The following UBR2 variants were observed in gnomAD, a reference collection of about 807,000 sequenced individuals.
UBR2 encodes E3 ubiquitin-protein ligase UBR2.
UBR2 carries 92 observed loss-of-function variants against 247.9 expected under a neutral mutation model. The ratio of observed to expected loss-of-function variants is 0.37; its 90% CI spans 0.31 to 0.44. UBR2 has a LOEUF of 0.44. UBR2 is among the 20% of genes least tolerant of loss of function. The pLI is 1.00. For synonymous variants in UBR2, 672 were observed against 693.5 expected (o/e 0.97, Z 0.49); for missense variants, 1,613 against 2,112.6 (o/e 0.76, Z 4.64).
chr6:42,569,843 G>A (rs957370675), intron 1 of UBR2, among the ~76,000 whole-genome samples: 2 of 152,122 alleles, frequency 1.3e-5, no homozygotes, highest in Non-Finnish European at 2.9e-5. Context: ...AAAGCTCCTG[G>A]AAACATTGTC....
intron 15 of UBR2, among the ~76,000 whole-genome samples, chr6:42,637,464 G>A (rs1367040502): frequency 6.6e-6 from 1 of 151,924 alleles, no homozygotes; most frequent in African/African-American, 2.4e-5. Flanking sequence ...GGCACCAGAG[G>A]CCATGTTTAT....
chr6:42,606,515 G>GT (rs1198001914), intron 6 of UBR2, 74 bp from the exon 7 acceptor site: 13 of 1,267,122 alleles, frequency 1.0e-5, no homozygotes, highest in Middle Eastern at 2.1e-4. Context: ...GCTTAAACAT[G>GT]TTTGTTTACT....
chr6:42,663,640 A>G (rs1241560796), intron 32 of UBR2, among the ~76,000 whole-genome samples: 2 of 152,184 alleles, frequency 1.3e-5, no homozygotes, highest in Admixed American at 6.5e-5. Flanking sequence ...TTAAATTCCT[A>G]TGTATTTATG....
intron 15 of UBR2, among the ~76,000 whole-genome samples, chr6:42,638,764 G>A (rs1582614268): frequency 6.6e-6 from 1 of 150,870 alleles, no homozygotes. Flanking sequence ...AAAAAAAAAA[G>A]GCAAGAAATT....
At chr6:42,663,550 C>A in intron 32 of UBR2, 131 bp downstream of exon 32, 1 of 943,062 alleles carries the variant, frequency 1.1e-6, no homozygotes, top group Non-Finnish European at 1.5e-6. Flanking sequence ...AAACTCTAAT[C>A]ATTTTCTTCT....
At chr6:42,630,512 A>G (rs568609599) in intron 11 of UBR2, among the ~76,000 whole-genome samples, 27 of 151,756 alleles carry the variant, frequency 1.8e-4, no homozygotes, top group Middle Eastern at 6.8e-3. Context: ...CCCTAAAGAC[A>G]ATTAGAATCT....
rs746039378 is a variant in UBR2 at position 42,645,600 on chromosome 6, T to C, written c.2409+10T>C. 1 of 1,610,060 alleles carries C rather than the reference T, an allele frequency of 6.2e-7. No homozygotes were observed. Among genetic ancestry groups the C allele is most frequent in the South Asian group, 1.1e-5 (1 of 90,564 alleles). ...GTCTTTACCTGAAGATGTAAGTACC[T>C]ACATTTCTAAAAAGAAAACCATAGA... On this transcript the variant is annotated intron_variant, in intron 21 of 46. Coordinates refer to ENST00000372901, the MANE Select transcript of UBR2 (RefSeq NM_001363705.2).
chr6:42,648,054 C>A, intron 21 of UBR2, 64 bp from the exon 22 acceptor site: 1 of 1,375,160 alleles, frequency 7.3e-7, no homozygotes, highest in Non-Finnish European at 1.0e-6. Context: ...TGAGATAAAA[C>A]ACAATGCTAA....
At chr6:42,637,662 A>G (rs901151554) in intron 15 of UBR2, among the ~76,000 whole-genome samples, 6 of 152,190 alleles carry the variant, frequency 3.9e-5, no homozygotes, top group African/African-American at 1.4e-4. Flanking sequence ...GCTGTTTCAT[A>G]TATTTATTGA....
chr6:42,657,994 G>T, intron 26 of UBR2, 30 bp from the exon 27 acceptor site: 1 of 1,530,328 alleles, frequency 6.5e-7, no homozygotes, highest in Non-Finnish European at 9.0e-7. Flanking sequence ...ATTAGCTATT[G>T]TTATTGTGCC....
intron 41 of UBR2, among the ~76,000 whole-genome samples, chr6:42,679,470 T>G (rs1447887990): frequency 6.6e-6 from 1 of 152,244 alleles, no homozygotes; most frequent in Non-Finnish European, 1.5e-5. Flanking sequence ...GGCACACCAT[T>G]TTGCAAATGA....
chr6:42,632,819 G>A lies in UBR2; in HGVS notation c.1460G>A (p.Ser487Asn). 6.2e-7 allele frequency: 1 copy of A among 1,601,292 alleles called. No homozygotes were observed. Among genetic ancestry groups the A allele is most frequent in the Non-Finnish European group, 8.5e-7 (1 of 1,176,860 alleles). The change falls in exon 13 of 47, where the codon AGC (serine) becomes AAC (asparagine). Residue 487 changes from serine (S) to asparagine (N), a missense_variant. Transcript: ENST00000372901. ...ATCTTGTTCAGGTATGTGTTAATTA[G>A]CAAACCAACTGAATGGTCAGATGAG... is the stretch of plus-strand genomic sequence containing the variant. ...LILDLKYVLI[S>N]KPTEWSDELR...
At chr6:42,596,863 GGGTTTTACTTTGGAGT>G (rs1420861054) in intron 4 of UBR2, among the ~76,000 whole-genome samples, 69 of 152,276 alleles carry the variant, frequency 4.5e-4, no homozygotes, top group Non-Finnish European at 4.6e-4. Context: ...AGTAGGTAAG[GGGTTTTACTTTGGAGT>G]GATGGAAATG....
At chr6:42,688,453 G>GA in intron 45 of UBR2, 67 bp downstream of exon 45, 1 of 1,567,442 alleles carries the variant, frequency 6.4e-7, no homozygotes, top group East Asian at 2.2e-5. Context: ...GGTGTCACAG[G>GA]AAACTACTAT....
chr6:42,614,190 A>T (rs1453069251), intron 8 of UBR2, among the ~76,000 whole-genome samples: 494 of 38,868 alleles, frequency 0.013, 32 homozygotes, highest in African/African-American at 0.044. Context: ...AAAAAAAAAA[A>T]AAAAAAAAAA....
At chr6:42,688,909 G>C (rs1169528993) in intron 45 of UBR2, among the ~76,000 whole-genome samples, 2 of 152,152 alleles carry the variant, frequency 1.3e-5, no homozygotes, top group Non-Finnish European at 2.9e-5. Flanking sequence ...TAGTGATATA[G>C]GCTAAGGAGA....
intron 1 of UBR2, among the ~76,000 whole-genome samples, chr6:42,566,948 A>G (rs1245759525): frequency 2.0e-5 from 3 of 152,192 alleles, no homozygotes; most frequent in African/African-American, 7.2e-5. Flanking sequence ...AAAACACCTA[A>G]CATTTAAAAC....
In UBR2 at chr6:42,633,718, TTTTTGTTTTG is replaced by T. The variant is rs70990117; in HGVS notation, c.1545+833_1545+842del. On this transcript the variant is annotated intron_variant, in intron 13 of 46. Transcript: ENST00000372901. ...TTTTTGGGGTTGTTTTTTTGTTTGT[TTTTTGTTTTG>T]TTTTGTTTTGTTTTGTTTGAGACAT... Among the ~76,000 whole-genome samples the T allele has an allele frequency of 7.7e-4, 115 of 148,772 alleles. No homozygotes were observed. In the East Asian group the frequency reaches 0.013, roughly 17 times the overall value.
Position 42,641,588 on chromosome 6 carries a change from C to T in UBR2, c.1927C>T (p.Leu643Phe). Residue 643 changes from leucine to phenylalanine, a missense_variant, in exon 17 of 47, where the codon CTT (leucine) becomes TTT (phenylalanine). By Grantham distance (22) the Leu-to-Phe change is conservative. Transcript: ENST00000372901. ...KFPELLPLSE[L>F]SPPMLIEHPL... ...TTATTTTTTGTATATATAGAGTGAACTTAGCCCACCCATGTTGATAGAACA... is the reference window on the plus strand; with the variant it reads ...TTATTTTTTGTATATATAGAGTGAATTTAGCCCACCCATGTTGATAGAACA... The T allele has an allele frequency of 6.3e-7, 1 of 1,591,710 alleles. No homozygotes were observed. The highest frequency in any genetic ancestry group is 8.5e-7 in the Non-Finnish European group (1 of 1,173,148).
Sources: gnomAD v4.1 joint callset for allele counts (sites outside exome capture counted in the v4.1 genomes callset) on GRCh38, gnomAD v4.1.1 for gene constraint, MANE v1.5 for transcripts, NCBI Gene and HGNC (gene_info 2026-07-23, HGNC 2026-07-21) for gene names.